TTC39A: variants seen among roughly 807,000 people sequenced by gnomAD.
TTC39A encodes the protein tetratricopeptide repeat domain 39A, also known as tetratricopeptide repeat protein 39A.
TTC39A carries 46 observed loss-of-function variants against 82.3 expected under a neutral mutation model. That is an observed-to-expected ratio of 0.56 (90% CI 0.44 to 0.71). The LOEUF (loss-of-function observed/expected upper bound fraction) is 0.71, where lower values mean the gene tolerates loss of function less well. Among genes scored for constraint, TTC39A ranks in the 30% least tolerant of loss-of-function variants. The pLI is 0.00. For missense variants in TTC39A, 543 were observed against 712.9 expected (o/e 0.76, Z 2.71); for synonymous variants, 254 against 275.2 (o/e 0.92, Z 0.76).
chr1:51,311,377 G>A, intron 4 of TTC39A, 56 bp from the exon 5 acceptor site: 2 of 1,501,292 alleles, frequency 1.3e-6, no homozygotes, highest in Non-Finnish European at 1.8e-6. Flanking sequence ...CAGGAGGCCT[G>A]GGACAAATCC....
intron 4 of TTC39A, among the ~76,000 whole-genome samples, chr1:51,311,620 A>G (rs1645084827): frequency 6.6e-6 from 1 of 152,122 alleles, no homozygotes; most frequent in Non-Finnish European, 1.5e-5. Context: ...TATGCTGCAG[A>G]GCCCCTCACT....
At position 51,312,106 on chromosome 1, in the gene TTC39A, C is replaced by T; in HGVS notation, c.355+13G>A. The T allele has an allele frequency of 6.2e-7, 1 of 1,608,878 alleles. No homozygotes were observed. Among genetic ancestry groups the T allele is most frequent in the Non-Finnish European group, 8.5e-7 (1 of 1,177,878 alleles). ...GGCTTAGCATGGTTGAAAGGATGTC[C>T]TGGATGCCACACCTTCAGTGAATTG... On this transcript the variant is annotated intron_variant, in intron 4 of 17. Coordinates refer to ENST00000680483, the MANE Select transcript of TTC39A (RefSeq NM_001297663.2).
chr1:51,326,443 G>A (rs551980721), intron 1 of TTC39A, among the ~76,000 whole-genome samples: 264 of 152,340 alleles, frequency 1.7e-3, no homozygotes, highest in African/African-American at 6.3e-3. Flanking sequence ...CAGCTAAATG[G>A]AGGGGTGAGG....
At chr1:51,289,774 G>A (rs761315058) in intron 16 of TTC39A, among the ~76,000 whole-genome samples, 72 of 152,172 alleles carry the variant, frequency 4.7e-4, no homozygotes, top group South Asian at 1.0e-3. Flanking sequence ...TCAAAACAAC[G>A]TGGATGGACT....
intron 12 of TTC39A, chr1:51,298,244 G>A (rs1251023615): frequency 3.3e-5 from 5 of 152,232 alleles, no homozygotes; most frequent in African/African-American, 9.7e-5. Context: ...CCCAGCCAGC[G>A]GGGTGGCCCA....
At chr1:51,291,288 C>T (rs748404834) in intron 14 of TTC39A, among the ~76,000 whole-genome samples, 4 of 151,190 alleles carry the variant, frequency 2.6e-5, no homozygotes, top group East Asian at 2.0e-4. Flanking sequence ...GTCAGGAGTT[C>T]GAGACTAGCC....
chr1:51,295,946 G>A (rs776965587), intron 13 of TTC39A, 133 bp downstream of exon 13: 324 of 912,366 alleles, frequency 3.6e-4, no homozygotes, highest in Non-Finnish European at 5.0e-4. Flanking sequence ...GGGGCAGTCC[G>A]CGGGTGGGGG....
chr1:51,319,344 A>AG (rs1645406948), intron 2 of TTC39A, among the ~76,000 whole-genome samples: 1 of 152,126 alleles, frequency 6.6e-6, no homozygotes, highest in Admixed American at 6.6e-5. Context: ...GGAGAGGGAG[A>AG]GGGAAGAGGC....
At chr1:51,313,026 C>A in intron 2 of TTC39A, 83 bp from the exon 3 acceptor site, 5 of 1,547,386 alleles carry the variant, frequency 3.2e-6, no homozygotes, top group Non-Finnish European at 4.4e-6. Flanking sequence ...CTCCACCCTC[C>A]TCCATTCTGC....
At position 51,330,491 on chromosome 1, in the gene TTC39A, G is replaced by T. The variant is rs531490371; in HGVS notation, c.-14C>A. 34 of 983,484 alleles carry T rather than the reference G, an allele frequency of 3.5e-5. No individual in the cohort carries two copies. The highest frequency in any genetic ancestry group is 4.6e-5 in the South Asian group (1 of 21,894). The allele number at this position is 983,484 out of a possible 1,614,324, so 60.9% of individuals were successfully genotyped here. On this transcript the variant is annotated 5_prime_UTR_variant, in exon 1 of 18. Coordinates refer to ENST00000680483, the MANE Select transcript of TTC39A (RefSeq NM_001297663.2). The surrounding 1 kb of genome is among the most constrained non-coding windows in gnomAD (Gnocchi z 4.5). Reference sequence around the variant, plus strand: ...AGCCGAGGTCATCGCCGAGGGGCGCGGGCGGCGCTGCCCCAGCCGGACGCC... The same window carrying T: ...AGCCGAGGTCATCGCCGAGGGGCGCTGGCGGCGCTGCCCCAGCCGGACGCC...
chr1:51,288,148 T>C lies in TTC39A; in HGVS notation c.*9A>G, dbSNP rs749300005. ...TCTCTGTCTTCCAGCCCGGAACTGC[T>C]GCACAAAGCTACAAGGACACTGATG... On this transcript the variant is annotated 3_prime_UTR_variant, in exon 18 of 18. Transcript: ENST00000680483. The surrounding 1 kb of genome is among the most constrained non-coding windows in gnomAD (Gnocchi z 4.8). 6.2e-7 allele frequency: 1 copy of C among 1,614,014 alleles called. No individual in the cohort carries two copies.
chr1:51,309,031 G>A (rs1320244749), intron 6 of TTC39A, among the ~76,000 whole-genome samples: 3 of 152,138 alleles, frequency 2.0e-5, no homozygotes, highest in Admixed American at 6.5e-5. Flanking sequence ...GGCCAGGCAC[G>A]GAGTAGGCAC....
At chr1:51,289,420 A>C (rs1644117311) in intron 16 of TTC39A, among the ~76,000 whole-genome samples, 2 of 151,912 alleles carry the variant, frequency 1.3e-5, no homozygotes, top group African/African-American at 2.4e-5. Context: ...CTATGACTTC[A>C]CCCAGGCAGG....
chr1:51,312,948 CAA>C lies in TTC39A; in HGVS notation c.147-7_147-6del. On this transcript the variant is annotated splice_region_variant and splice_polypyrimidine_tract_variant and intron_variant, in intron 2 of 17. Coordinates refer to ENST00000680483, the MANE Select transcript of TTC39A (RefSeq NM_001297663.2). ...TGGTACATGCTTTCCTTGGTTCTGC[CAA>C]AGAGAAGAGACGTTGAGAGCACCAC... 1 of 1,612,844 alleles carries C rather than the reference CAA, an allele frequency of 6.2e-7. No homozygotes were observed. Among genetic ancestry groups the C allele is most frequent in the Non-Finnish European group, 8.5e-7 (1 of 1,179,198 alleles).
exon 1 of TTC39A, chr1:51,345,007 C>T (rs549401590): frequency 8.0e-5 from 122 of 1,523,276 alleles, no homozygotes; most frequent in Non-Finnish European, 1.0e-4. Flanking sequence ...TCGCTTTTCC[C>T]GGAGGCCGCC....
upstream of TTC39A, chr1:51,330,893 C>T: frequency 1.7e-6 from 1 of 597,116 alleles, no homozygotes; most frequent in Admixed American, 2.7e-5. This position sits in a 1 kb window ranked among gnomAD's most constrained non-coding sequence, Gnocchi z 4.5. Context: ...AAGCGGCCCC[C>T]ACCTGAGCCG....
chr1:51,331,092 G>C (rs1391216585), upstream of TTC39A: 32 of 1,120,208 alleles, frequency 2.9e-5, no homozygotes, highest in Admixed American at 6.1e-4. Flanking sequence ...CCCCATAATT[G>C]CTATTTTACA....
intron 13 of TTC39A, 87 bp downstream of exon 13, chr1:51,295,992 A>T: frequency 6.9e-7 from 1 of 1,457,430 alleles, no homozygotes; most frequent in Non-Finnish European, 9.4e-7. Context: ...CCCAGTGCCC[A>T]CAGCTCAGGG....
chr1:51,331,978 C>T (rs576584415), upstream of TTC39A: 1 of 239,900 alleles, frequency 4.2e-6, no homozygotes, highest in Non-Finnish European at 6.7e-6. Context: ...GGTGAGACCA[C>T]AAGCAATACA....
Sources: gnomAD v4.1 joint callset for allele counts (sites outside exome capture counted in the v4.1 genomes callset) on GRCh38, gnomAD v4.1.1 for gene constraint, Gnocchi (gnomAD v3.1) non-coding constraint, MANE v1.5 for transcripts, NCBI Gene and HGNC (gene_info 2026-07-23, HGNC 2026-07-21) for gene names.